SPMIP2: variants seen among roughly 807,000 people sequenced by gnomAD.
SPMIP2 encodes the protein protein SPMIP2.
chr4:159,019,870 A>C, the SPMIP2 span, among the ~76,000 whole-genome samples: 1 of 152,182 alleles, frequency 6.6e-6, no homozygotes, highest in African/African-American at 2.4e-5. Flanking sequence ...ACAGTAAATC[A>C]GTTCTGGGGG....
At chr4:158,935,991 C>A in the SPMIP2 span, among the ~76,000 whole-genome samples, 37 of 152,286 alleles carry the variant, frequency 2.4e-4, no homozygotes, top group African/African-American at 8.4e-4. Context: ...CACGACCAAA[C>A]AATTCAATGA....
At chr4:159,012,115 A>C in the SPMIP2 span, among the ~76,000 whole-genome samples, 3 of 152,056 alleles carry the variant, frequency 2.0e-5, no homozygotes, top group Non-Finnish European at 2.9e-5. Flanking sequence ...AATTGAAAAT[A>C]ATTATAAAGA....
At chr4:158,980,990 C>T in the SPMIP2 span, among the ~76,000 whole-genome samples, 1 of 152,080 alleles carries the variant, frequency 6.6e-6, no homozygotes, top group Non-Finnish European at 1.5e-5. Context: ...ACTAGAATAA[C>T]CAGTTTAGAG....
the SPMIP2 span, among the ~76,000 whole-genome samples, chr4:158,894,617 A>G: frequency 1.3e-5 from 2 of 152,198 alleles, no homozygotes; most frequent in Admixed American, 6.5e-5. Context: ...TCAATGTAAT[A>G]TGAATATTAT....
chr4:159,027,423 AAT>A, the SPMIP2 span, among the ~76,000 whole-genome samples: 1 of 152,220 alleles, frequency 6.6e-6, no homozygotes, highest in Admixed American at 6.5e-5. Flanking sequence ...ATCTTAAAGT[AAT>A]AGAACAAATT....
At chr4:158,945,179 T>C in the SPMIP2 span, among the ~76,000 whole-genome samples, 8 of 152,188 alleles carry the variant, frequency 5.3e-5, no homozygotes, top group Non-Finnish European at 1.0e-4. Flanking sequence ...CCGCTCTTCT[T>C]GAACCACTCC....
At chr4:159,055,059 G>A in the SPMIP2 span, among the ~76,000 whole-genome samples, 2 of 152,188 alleles carry the variant, frequency 1.3e-5, no homozygotes, top group African/African-American at 4.8e-5. Flanking sequence ...GTCCTTTAAA[G>A]CCATCAGAAA....
the SPMIP2 span, among the ~76,000 whole-genome samples, chr4:159,028,022 A>G: frequency 6.6e-6 from 1 of 152,182 alleles, no homozygotes; most frequent in Non-Finnish European, 1.5e-5. Flanking sequence ...CTGACTAAAT[A>G]TATTAATACT....
At chr4:158,895,927 T>C in the SPMIP2 span, 2 of 1,244,134 alleles carry the variant, frequency 1.6e-6, no homozygotes, top group Non-Finnish European at 2.3e-6. Context: ...TTGTACCCAC[T>C]AACGTGTTTA....
the SPMIP2 span, among the ~76,000 whole-genome samples, chr4:158,937,756 G>T: frequency 6.6e-6 from 1 of 152,192 alleles, no homozygotes; most frequent in Non-Finnish European, 1.5e-5. Context: ...AACAGTCTAT[G>T]TAATATAGAC....
the SPMIP2 span, among the ~76,000 whole-genome samples, chr4:159,028,738 G>T: frequency 1.3e-5 from 2 of 152,160 alleles, no homozygotes; most frequent in Non-Finnish European, 2.9e-5. Flanking sequence ...CTCTAAAGTA[G>T]TTTTAAATTT....
the SPMIP2 span, among the ~76,000 whole-genome samples, chr4:159,068,332 A>G: frequency 1.3e-5 from 2 of 152,202 alleles, no homozygotes; most frequent in Non-Finnish European, 2.9e-5. Context: ...ATGCAGCCGT[A>G]AAAAATGATG....
chr4:159,019,607 G>C, the SPMIP2 span, among the ~76,000 whole-genome samples: 24 of 152,300 alleles, frequency 1.6e-4, no homozygotes, highest in East Asian at 4.6e-3. Context: ...AGGGCAGCAA[G>C]TAAGGGTTAG....
At chr4:158,904,540 T>C in the SPMIP2 span, 2 of 1,612,516 alleles carry the variant, frequency 1.2e-6, no homozygotes, top group Non-Finnish European at 1.7e-6. Flanking sequence ...CAAATACTCT[T>C]ATAAGCTAAA....
At chr4:158,956,332 G>A in the SPMIP2 span, among the ~76,000 whole-genome samples, 42 of 152,364 alleles carry the variant, frequency 2.8e-4, no homozygotes, top group African/African-American at 9.6e-4. Context: ...TTGGGAGGCC[G>A]CGTGGGTGGA....
At chr4:158,982,132 T>C in the SPMIP2 span, among the ~76,000 whole-genome samples, 1 of 152,124 alleles carries the variant, frequency 6.6e-6, no homozygotes, top group Non-Finnish European at 1.5e-5. Flanking sequence ...AAGAAGAGCA[T>C]TACAAAATGG....
At chr4:159,070,437 C>G in the SPMIP2 span, among the ~76,000 whole-genome samples, 1 of 152,186 alleles carries the variant, frequency 6.6e-6, no homozygotes, top group Non-Finnish European at 1.5e-5. Flanking sequence ...TACAACTCCA[C>G]TGTAAGCTTT....
chr4:159,000,608 C>T, the SPMIP2 span, among the ~76,000 whole-genome samples: 1 of 151,820 alleles, frequency 6.6e-6, no homozygotes, highest in South Asian at 2.1e-4. Flanking sequence ...ATTCTCCTGC[C>T]TCAGCCTCCC....
the SPMIP2 span, among the ~76,000 whole-genome samples, chr4:159,010,120 G>A: frequency 6.6e-6 from 1 of 152,326 alleles, no homozygotes; most frequent in Non-Finnish European, 1.5e-5. Context: ...TAGTGGACAC[G>A]TTGTTAATCT....
Sources: gnomAD v4.1 joint callset for allele counts (sites outside exome capture counted in the v4.1 genomes callset) on GRCh38, gnomAD v4.1.1 for gene constraint, MANE v1.5 for transcripts, NCBI Gene and HGNC (gene_info 2026-07-23, HGNC 2026-07-21) for gene names.